The following TNIP3 variants were observed in gnomAD, a reference collection of about 807,000 sequenced individuals.
The protein encoded by TNIP3 is TNFAIP3-interacting protein 3.
Under a neutral mutation model 54.1 loss-of-function variants are expected in TNIP3, and 34 were observed. The observed-to-expected ratio is 0.63, with a 90% CI of 0.48 to 0.84. The LOEUF (loss-of-function observed/expected upper bound fraction) is 0.84, where lower values mean the gene tolerates loss of function less well. Ranked by LOEUF, TNIP3 falls within the 40% of genes least tolerant of loss-of-function variation. TNIP3 has a pLI of 0.00. For missense variants in TNIP3, 366 were observed against 387.6 expected (o/e 0.94, Z 0.47); for synonymous variants, 134 against 136.8 (o/e 0.98, Z 0.14).
intron 2 of TNIP3, among the ~76,000 whole-genome samples, chr4:121,205,223 G>C (rs1294815009): frequency 6.6e-6 from 1 of 152,186 alleles, no homozygotes; most frequent in Non-Finnish European, 1.5e-5. Flanking sequence ...TGAGCAAGGA[G>C]TGAAGGAGGT....
At chr4:121,216,274 C>A in intron 2 of TNIP3, 1 of 652,826 alleles carries the variant, frequency 1.5e-6, no homozygotes, top group Non-Finnish European at 2.4e-6. Flanking sequence ...TACCCGTCAT[C>A]TTTTCCTTTT....
intron 1 of TNIP3, among the ~76,000 whole-genome samples, chr4:121,223,241 A>G (rs1161378436): frequency 6.6e-6 from 1 of 152,190 alleles, no homozygotes; most frequent in East Asian, 1.9e-4. Flanking sequence ...GCAGATGCTC[A>G]CCCGCTTGAA....
intron 3 of TNIP3, among the ~76,000 whole-genome samples, chr4:121,174,145 T>C (rs975471376): frequency 1.3e-5 from 2 of 152,208 alleles, no homozygotes; most frequent in African/African-American, 4.8e-5. Context: ...TTAGCTTGGA[T>C]ACTTCAGGTG....
intron 2 of TNIP3, among the ~76,000 whole-genome samples, chr4:121,194,300 T>G (rs1460377611): frequency 6.6e-6 from 1 of 152,176 alleles, no homozygotes; most frequent in Non-Finnish European, 1.5e-5. Context: ...TCTTAAAAAT[T>G]TTTTGATAAG....
intron 3 of TNIP3, chr4:121,182,607 C>T (rs1373507889): frequency 9.3e-6 from 14 of 1,510,052 alleles, no homozygotes; most frequent in Non-Finnish European, 1.2e-5. Flanking sequence ...ACTGTCTCCA[C>T]AAATTCTTCT....
chr4:121,143,188 C>T (rs1326624268), intron 7 of TNIP3, among the ~76,000 whole-genome samples: 1 of 152,180 alleles, frequency 6.6e-6, no homozygotes, highest in East Asian at 1.9e-4. Flanking sequence ...TGAATTCTCC[C>T]AATCCCTCTA....
At chr4:121,200,972 A>G (rs1304346450) in intron 2 of TNIP3, among the ~76,000 whole-genome samples, 6 of 152,180 alleles carry the variant, frequency 3.9e-5, no homozygotes, top group African/African-American at 1.4e-4. Context: ...GTAAAGGTCA[A>G]TTTTTGGTAA....
At chr4:121,211,338 C>T (rs949065784) in intron 2 of TNIP3, among the ~76,000 whole-genome samples, 1 of 152,166 alleles carries the variant, frequency 6.6e-6, no homozygotes, top group African/African-American at 2.4e-5. Flanking sequence ...AACAAATCCT[C>T]AATGTAACCT....
intron 2 of TNIP3, among the ~76,000 whole-genome samples, chr4:121,193,757 C>A (rs1013937480): frequency 1.2e-4 from 18 of 152,022 alleles, no homozygotes; most frequent in African/African-American, 4.3e-4. Flanking sequence ...AGGTTAAAAT[C>A]ACCTGTAATG....
intron 9 of TNIP3, 137 bp from the exon 10 acceptor site, chr4:121,138,821 T>G: frequency 1.4e-6 from 1 of 739,656 alleles, no homozygotes; most frequent in Non-Finnish European, 2.3e-6. Context: ...ATTGCCAACC[T>G]CACTCATCCT....
chr4:121,212,074 TTC>T (rs1726504878), intron 2 of TNIP3, among the ~76,000 whole-genome samples: 2 of 152,204 alleles, frequency 1.3e-5, no homozygotes, highest in African/African-American at 4.8e-5. Flanking sequence ...CCCAAACACT[TTC>T]TGGCATACAG....
chr4:121,227,470 A>T (rs1229170042), upstream of TNIP3: 6 of 1,231,904 alleles, frequency 4.9e-6, no homozygotes, highest in East Asian at 1.0e-4. Context: ...GACTCTTTGA[A>T]TCAAACAGTA....
intron 3 of TNIP3, among the ~76,000 whole-genome samples, chr4:121,176,658 T>TA (rs34936208): frequency 0.25 from 36,520 of 145,268 alleles, 4,803 homozygotes; most frequent in African/African-American, 0.33. Flanking sequence ...AGATTTTGAT[T>TA]AAAAAAAAAA....
At chr4:121,218,627 T>C (rs1231777014), upstream of TNIP3, among the ~76,000 whole-genome samples, 1 of 146,904 alleles carries the variant, frequency 6.8e-6, no homozygotes, top group Non-Finnish European at 1.5e-5. Context: ...TTCTTCTCCC[T>C]CTCCCTCTCT....
intron 2 of TNIP3, chr4:121,192,993 T>C (rs1404215806): frequency 2.0e-5 from 3 of 152,204 alleles, no homozygotes; most frequent in Non-Finnish European, 4.4e-5. Context: ...ACTTTCCTCG[T>C]ATATGCTCTG....
At chr4:121,216,042 C>T (rs1726773239) in intron 2 of TNIP3, among the ~76,000 whole-genome samples, 1 of 151,858 alleles carries the variant, frequency 6.6e-6, no homozygotes, top group African/African-American at 2.4e-5. Context: ...AAGGATTAAG[C>T]AAATCAGGAG....
intron 3 of TNIP3, among the ~76,000 whole-genome samples, chr4:121,179,358 A>G (rs1353854532): frequency 6.6e-6 from 1 of 152,248 alleles, no homozygotes; most frequent in Non-Finnish European, 1.5e-5. Flanking sequence ...AAAGACAGTC[A>G]TATTTAAGTG....
chr4:121,207,626 A>C (rs1325881165), intron 2 of TNIP3, among the ~76,000 whole-genome samples: 2 of 152,194 alleles, frequency 1.3e-5, no homozygotes, highest in Non-Finnish European at 2.9e-5. Context: ...AGAGGAGAGC[A>C]ATGTAGACAA....
At chr4:121,177,988 G>T (rs1215110364) in intron 3 of TNIP3, among the ~76,000 whole-genome samples, 3 of 152,174 alleles carry the variant, frequency 2.0e-5, no homozygotes, top group Non-Finnish European at 4.4e-5. Context: ...CCGGGGGAGA[G>T]AATCAAGTAA....
Sources: gnomAD v4.1 joint callset for allele counts (sites outside exome capture counted in the v4.1 genomes callset) on GRCh38, gnomAD v4.1.1 for gene constraint, MANE v1.5 for transcripts, NCBI Gene and HGNC (gene_info 2026-07-23, HGNC 2026-07-21) for gene names.